TLK2: variants seen among roughly 807,000 people sequenced by gnomAD.
TLK2 encodes serine/threonine-protein kinase tousled-like 2.
Under a neutral mutation model 117.3 loss-of-function variants are expected in TLK2, and 6 were observed. That is an observed-to-expected ratio of 0.05 (90% CI 0.03 to 0.10). The LOEUF is 0.10. TLK2 is among the 10% of genes least tolerant of loss of function. The pLI is 1.00. For missense variants in TLK2, 299 were observed against 901.2 expected (o/e 0.33, Z 8.56); for synonymous variants, 257 against 316.7 (o/e 0.81, Z 2.00).
At position 62,517,495 on chromosome 17, in the gene TLK2, C is replaced by T. The variant is rs149905513; in HGVS notation, c.82-3278C>T. 6.7e-3 allele frequency among the ~76,000 whole-genome samples: 1,018 copies of T among 151,236 alleles called. 12 individuals carry two copies. The highest frequency in any genetic ancestry group is 0.024 in the African/African-American group (969 of 41,176). ...CTGCAAGCTCCACCTTCCGGGTTCA[C>T]GCCATTCTTCTGCCTCAGCCTCCCA... On this transcript the variant is annotated intron_variant, in intron 2 of 21. Transcript: ENST00000346027.
At chr17:62,493,527 A>G (rs1049208230) in intron 2 of TLK2, among the ~76,000 whole-genome samples, 4 of 152,232 alleles carry the variant, frequency 2.6e-5, no homozygotes, top group Non-Finnish European at 4.4e-5. Context: ...TTGTTGGATC[A>G]TATTAAACTG....
chr17:62,579,512 C>G (rs908284468), intron 14 of TLK2, among the ~76,000 whole-genome samples: 4 of 152,110 alleles, frequency 2.6e-5, no homozygotes, highest in Non-Finnish European at 5.9e-5. Flanking sequence ...TGTTTAAGAT[C>G]AGGAACTAGG....
At chr17:62,545,349 G>A (rs1434368637) in intron 7 of TLK2, among the ~76,000 whole-genome samples, 2 of 152,206 alleles carry the variant, frequency 1.3e-5, no homozygotes, top group Non-Finnish European at 2.9e-5. Context: ...AGAAAATTCT[G>A]TGTGTAAACA....
At chr17:62,525,433 C>T (rs933608518) in intron 6 of TLK2, among the ~76,000 whole-genome samples, 2 of 150,872 alleles carry the variant, frequency 1.3e-5, no homozygotes, top group African/African-American at 4.9e-5. Flanking sequence ...ACTGTGTCAT[C>T]CTTGCCATAT....
At chr17:62,587,327 C>T (rs970192777) in intron 16 of TLK2, among the ~76,000 whole-genome samples, 1 of 152,164 alleles carries the variant, frequency 6.6e-6, no homozygotes, top group African/African-American at 2.4e-5. Context: ...TTGAATCAGA[C>T]AAGTCCTGCC....
In TLK2 at chr17:62,522,251, T is replaced by C; in HGVS notation, c.201T>C (p.Ala67=). The stretch of plus-strand genomic sequence containing the variant: ...ACCAGCGAAATCGGAAAAGAAAAGC[T>C]GAACCATATGAAACTAGCCAAGGTA... The part of the protein sequence containing the change: ...QNDQRNRKRK[A]EPYETSQGKG... Residue 67 remains alanine, a synonymous_variant, in exon 4 of 22, where the codon GCT becomes GCC. Coordinates refer to ENST00000346027, the MANE Select transcript of TLK2 (RefSeq NM_006852.6). 3.1e-6 allele frequency: 5 copies of C among 1,612,968 alleles called. No homozygotes were observed. The highest frequency in any genetic ancestry group is 4.2e-6 in the Non-Finnish European group (5 of 1,179,564).
intron 2 of TLK2, among the ~76,000 whole-genome samples, chr17:62,513,498 A>G (rs2075324502): frequency 6.7e-6 from 1 of 149,558 alleles, no homozygotes; most frequent in South Asian, 2.1e-4. Context: ...TAACTTTTTC[A>G]TTTTTTTGTA....
At chr17:62,516,960 G>A (rs1267156446) in intron 2 of TLK2, among the ~76,000 whole-genome samples, 4 of 151,662 alleles carry the variant, frequency 2.6e-5, no homozygotes, top group South Asian at 2.1e-4. Flanking sequence ...GCTGGAGTGC[G>A]CTGGCAGTAA....
intron 14 of TLK2, 108 bp from the exon 15 acceptor site, chr17:62,580,003 C>T (rs2081091907): frequency 4.0e-6 from 3 of 754,276 alleles, no homozygotes; most frequent in Middle Eastern, 2.4e-4. Context: ...AAACTACCAA[C>T]AGCAGCTATA....
intron 2 of TLK2, among the ~76,000 whole-genome samples, chr17:62,514,453 T>TAA (rs35051879): frequency 1.9e-4 from 28 of 148,126 alleles, no homozygotes; most frequent in South Asian, 1.1e-3. Context: ...CAATAATAAT[T>TAA]AAAAAAAAAA....
upstream of TLK2, among the ~76,000 whole-genome samples, chr17:62,474,946 G>T (rs2071009407): frequency 6.6e-6 from 1 of 151,958 alleles, no homozygotes; most frequent in African/African-American, 2.4e-5. Context: ...ACAGACAGGT[G>T]CACGCCACTA....
At chr17:62,609,093 T>G (rs2083531166) in intron 21 of TLK2, among the ~76,000 whole-genome samples, 1 of 152,210 alleles carries the variant, frequency 6.6e-6, no homozygotes, top group Non-Finnish European at 1.5e-5. Context: ...TTTGTTGTTG[T>G]TGGTTTGAGA....
intron 19 of TLK2, among the ~76,000 whole-genome samples, chr17:62,602,594 T>C (rs547562286): frequency 5.3e-5 from 8 of 152,270 alleles, no homozygotes; most frequent in African/African-American, 1.4e-4. Flanking sequence ...CTGAGGATGT[T>C]GGACTGTAGG....
chr17:62,576,644 T>A (rs2080809956), intron 12 of TLK2, 65 bp from the exon 13 acceptor site: 1 of 1,258,746 alleles, frequency 7.9e-7, no homozygotes, highest in Admixed American at 1.7e-5. Flanking sequence ...ATTTGAGCAT[T>A]TCTCTTTAAA....
At chr17:62,599,475 G>T (rs1005878886) in intron 17 of TLK2, among the ~76,000 whole-genome samples, 1 of 152,168 alleles carries the variant, frequency 6.6e-6, no homozygotes, top group Non-Finnish European at 1.5e-5. Flanking sequence ...TGTTTATCAG[G>T]CCCATGTGTC....
chr17:62,539,064 G>C (rs2077318486), intron 7 of TLK2, among the ~76,000 whole-genome samples: 1 of 152,162 alleles, frequency 6.6e-6, no homozygotes, highest in Non-Finnish European at 1.5e-5. Context: ...TCTTGGTGTA[G>C]GTGATAGTTT....
chr17:62,503,052 CTTTTTTTTTTT>C (rs535547546), intron 2 of TLK2, among the ~76,000 whole-genome samples: 146 of 87,172 alleles, frequency 1.7e-3, no homozygotes, highest in African/African-American at 6.2e-3. Flanking sequence ...TTTGGCTTAA[CTTTTTTTTTTT>C]TTTTTTTTTT....
At chr17:62,583,588 C>T (rs555002395) in intron 15 of TLK2, among the ~76,000 whole-genome samples, 1 of 151,802 alleles carries the variant, frequency 6.6e-6, no homozygotes, top group African/African-American at 2.4e-5. Context: ...ATTTCTTTTT[C>T]TCTTGAGACA....
chr17:62,514,393 C>G (rs1407934476), intron 2 of TLK2, among the ~76,000 whole-genome samples: 6 of 151,712 alleles, frequency 4.0e-5, no homozygotes, highest in Non-Finnish European at 7.4e-5. Context: ...GATCCACCAC[C>G]TCAGCTGCCC....
Sources: gnomAD v4.1 joint callset for allele counts (sites outside exome capture counted in the v4.1 genomes callset) on GRCh38, gnomAD v4.1.1 for gene constraint, MANE v1.5 for transcripts, NCBI Gene and HGNC (gene_info 2026-07-23, HGNC 2026-07-21) for gene names.